The following SLC25A26 variants were observed in gnomAD, a reference collection of about 807,000 sequenced individuals.
SLC25A26 encodes the protein mitochondrial S-adenosylmethionine carrier protein.
Under a neutral mutation model 37.8 loss-of-function variants are expected in SLC25A26, and 36 were observed. That is an observed-to-expected ratio of 0.95 (90% confidence interval 0.73 to 1.26). The LOEUF is 1.26. SLC25A26 is among the 50% of genes most tolerant of loss of function. SLC25A26 has a pLI of 0.00. For synonymous variants in SLC25A26, 129 were observed against 122.5 expected (o/e 1.05, Z -0.35); for missense variants, 390 against 331.1 (o/e 1.18, Z -1.38).
At chr3:66,228,153 G>T (rs2071843254) in intron 1 of SLC25A26, among the ~76,000 whole-genome samples, 1 of 152,156 alleles carries the variant, frequency 6.6e-6, no homozygotes, top group Non-Finnish European at 1.5e-5. Context: ...TCCAAATTTT[G>T]CTCAGCCCGT....
Position 66,289,411 on chromosome 3 carries a change from G to C in SLC25A26, c.453+26032G>C, listed in dbSNP as rs148115708. On this transcript the variant is annotated intron_variant, in intron 5 of 9. Coordinates refer to ENST00000354883, the MANE Select transcript of SLC25A26 (RefSeq NM_001379210.1). ...AAGTCTTTGCCCATGCCTGTGTCCT[G>C]AATGGTATTGCCTAGGTTTTCTTCT... Among the ~76,000 whole-genome samples, 981 of 152,270 alleles carry C rather than the reference G, an allele frequency of 6.4e-3. 9 individuals carry two copies. The highest frequency in any genetic ancestry group is 0.022 in the African/African-American group (929 of 41,552).
rs146176287 is a variant in SLC25A26 at position 66,243,397 on chromosome 3, A to T, written c.300+85A>T. 3.7e-5 allele frequency: 25 copies of T among 668,580 alleles called. No individual in the cohort carries two copies. In the African/African-American group the frequency reaches 4.1e-4, roughly 11 times the overall value. 41.4% of individuals were successfully genotyped at this position (668,580 alleles called of 1,614,324 possible). On this transcript the variant is annotated intron_variant, in intron 3 of 9. Coordinates refer to ENST00000354883, the MANE Select transcript of SLC25A26 (RefSeq NM_001379210.1). ...AGTACATATTTATTTCATTTTTTAAAAATTATTTTTAAATTATGAAAGTCA... is the reference window on the plus strand; with the variant it reads ...AGTACATATTTATTTCATTTTTTAATAATTATTTTTAAATTATGAAAGTCA...
intron 1 of SLC25A26, among the ~76,000 whole-genome samples, chr3:66,182,592 A>G (rs767934744): frequency 3.3e-5 from 5 of 152,008 alleles, no homozygotes; most frequent in East Asian, 1.9e-4. Flanking sequence ...AGAGTTTGAA[A>G]AGGCCATAAA....
intron 1 of SLC25A26, among the ~76,000 whole-genome samples, chr3:66,202,684 C>G (rs1261171555): frequency 4.0e-5 from 6 of 151,238 alleles, no homozygotes; most frequent in African/African-American, 1.5e-4. Context: ...TCTAATTTCA[C>G]TCCATATGTG....
chr3:66,253,182 C>G (rs1402059845), intron 3 of SLC25A26, among the ~76,000 whole-genome samples: 2 of 151,360 alleles, frequency 1.3e-5, no homozygotes, highest in East Asian at 2.0e-4. Context: ...CTAAGGCGGG[C>G]GGATCGTGAG....
chr3:66,324,497 C>T (rs1159755883), intron 5 of SLC25A26, among the ~76,000 whole-genome samples: 2 of 152,188 alleles, frequency 1.3e-5, no homozygotes, highest in Admixed American at 6.5e-5. Flanking sequence ...CTTGTGGCCT[C>T]TGGCTGCATG....
At chr3:66,214,638 A>AT (rs1576643550) in intron 1 of SLC25A26, among the ~76,000 whole-genome samples, 1 of 151,886 alleles carries the variant, frequency 6.6e-6, no homozygotes, top group African/African-American at 2.4e-5. Context: ...ATCTTTACTC[A>AT]TTTTTTTCTA....
intron 5 of SLC25A26, among the ~76,000 whole-genome samples, chr3:66,274,964 C>A (rs896711952): frequency 2.6e-5 from 4 of 151,890 alleles, no homozygotes; most frequent in Admixed American, 6.6e-5. Flanking sequence ...ATGTTTATTG[C>A]GGCACTATTC....
intron 1 of SLC25A26, among the ~76,000 whole-genome samples, chr3:66,141,050 GACACACACAC>G (rs35140096): frequency 1.3e-5 from 2 of 148,434 alleles, no homozygotes; most frequent in Non-Finnish European, 3.0e-5. Context: ...ATAGAAACAG[GACACACACAC>G]ACACACACAC....
At chr3:66,289,817 G>A (rs371823746) in intron 5 of SLC25A26, among the ~76,000 whole-genome samples, 13 of 152,144 alleles carry the variant, frequency 8.5e-5, no homozygotes, top group South Asian at 6.2e-4. Context: ...TTTTGATTAC[G>A]TATGAAATTT....
At chr3:66,360,463 C>T (rs751991848) in intron 6 of SLC25A26, among the ~76,000 whole-genome samples, 4 of 152,018 alleles carry the variant, frequency 2.6e-5, no homozygotes, top group African/African-American at 4.8e-5. Context: ...TCTTTATTCA[C>T]AGATGATACG....
At chr3:66,152,324 G>C (rs1416888531) in intron 1 of SLC25A26, among the ~76,000 whole-genome samples, 1 of 152,100 alleles carries the variant, frequency 6.6e-6, no homozygotes, top group Non-Finnish European at 1.5e-5. Flanking sequence ...TATTAGCTTC[G>C]AGCAATACAT....
chr3:66,198,816 A>G (rs1463435466), intron 1 of SLC25A26, among the ~76,000 whole-genome samples: 1 of 151,588 alleles, frequency 6.6e-6, no homozygotes, highest in East Asian at 1.9e-4. Context: ...GCACACTTTG[A>G]CCCTGACCCT....
At chr3:66,254,136 A>G (rs929129772) in intron 3 of SLC25A26, among the ~76,000 whole-genome samples, 42 of 152,336 alleles carry the variant, frequency 2.8e-4, no homozygotes, top group Non-Finnish European at 2.9e-5. Context: ...CAATGCAAGT[A>G]GGTAAAAATT....
chr3:66,329,975 A>G (rs866798996), intron 5 of SLC25A26, among the ~76,000 whole-genome samples: 1 of 152,218 alleles, frequency 6.6e-6, no homozygotes, highest in Non-Finnish European at 1.5e-5. Flanking sequence ...CCGTCAGTAA[A>G]TAATCACAGA....
intron 2 of SLC25A26, 71 bp downstream of exon 2, chr3:66,236,771 C>A (rs968488164): frequency 1.2e-5 from 14 of 1,183,838 alleles, no homozygotes; most frequent in Non-Finnish European, 1.5e-5. Context: ...TGTGGTCTTA[C>A]CCCCATAGAA....
At chr3:66,264,268 G>A (rs531596100) in intron 5 of SLC25A26, among the ~76,000 whole-genome samples, 22 of 151,784 alleles carry the variant, frequency 1.4e-4, no homozygotes, top group South Asian at 6.2e-4. Flanking sequence ...CAACAAGAGC[G>A]ACTCTGTCTC....
chr3:66,220,346 T>G (rs1273218264), upstream of SLC25A26, among the ~76,000 whole-genome samples: 1 of 152,220 alleles, frequency 6.6e-6, no homozygotes, highest in African/African-American at 2.4e-5. Context: ...GGTATTTGTT[T>G]GTTTAATAAA....
At chr3:66,371,546 T>TG (rs1196383044) in intron 9 of SLC25A26, 1 of 1,197,344 alleles carries the variant, frequency 8.4e-7, no homozygotes, top group African/African-American at 1.6e-5. Flanking sequence ...GGATTGACGT[T>TG]GGGGGTGTGA....
Sources: allele counts gnomAD v4.1 joint callset (sites outside exome capture counted in the v4.1 genomes callset), GRCh38; gene constraint gnomAD v4.1.1; transcripts MANE v1.5; gene names NCBI Gene and HGNC (gene_info 2026-07-23, HGNC 2026-07-21).